GJB6: variants seen among roughly 807,000 people sequenced by gnomAD.
GJB6 encodes the protein gap junction protein beta 6, also known as gap junction beta-6 protein.
GJB6 carries 5 observed loss-of-function variants against 5.4 expected under a neutral mutation model. The observed-to-expected ratio is 0.92, with a 90% CI of 0.48 to 1.93. The LOEUF (loss-of-function observed/expected upper bound fraction) is 1.93. GJB6 is among the 30% of genes most tolerant of loss of function. The pLI, the probability that GJB6 is intolerant of heterozygous loss-of-function variation, is 0.01. For missense variants in GJB6, 298 were observed against 326.9 expected, an observed-to-expected ratio of 0.91 and a Z score of 0.68; for synonymous variants, 136 against 129.6, an observed-to-expected ratio of 1.05 and a Z score of -0.34.
rs1012143350 is a variant in GJB6 at position 20,231,472 on chromosome 13, A to G, written c.-386T>C. 2.8e-4 allele frequency: 42 copies of G among 152,198 alleles called. 1 individual carries two copies. Among genetic ancestry groups the G allele is most frequent in the Non-Finnish European group, 5.3e-4 (36 of 68,046 alleles). The allele number at this position is 152,198 out of a possible 1,614,324, so 9.4% of individuals were successfully genotyped here. On this transcript the variant is annotated 5_prime_UTR_variant, in exon 2 of 5. Coordinates refer to ENST00000647029, the MANE Select transcript of GJB6 (RefSeq NM_001110219.3). Reference sequence around the variant, plus strand: ...CACCGGAGACAGGTCTTCTTCACCGACAGGAAGTGCCTTCTGGTGCCTGCA... The same window carrying G: ...CACCGGAGACAGGTCTTCTTCACCGGCAGGAAGTGCCTTCTGGTGCCTGCA...
At chr13:20,226,435 A>G (rs1020865006) in intron 4 of GJB6, among the ~76,000 whole-genome samples, 1 of 152,218 alleles carries the variant, frequency 6.6e-6, no homozygotes, top group Admixed American at 6.5e-5. Flanking sequence ...CCAGCGTTCC[A>G]TAATTAAAGT....
intron 4 of GJB6, among the ~76,000 whole-genome samples, chr13:20,228,564 A>G (rs770412026): frequency 4.6e-5 from 7 of 151,498 alleles, no homozygotes; most frequent in African/African-American, 1.7e-4. Flanking sequence ...GCTCACTGCA[A>G]GCTCCGCCTC....
chr13:20,229,188 G>T (rs1238754162), intron 4 of GJB6, among the ~76,000 whole-genome samples: 3 of 125,050 alleles, frequency 2.4e-5, no homozygotes, highest in African/African-American at 9.1e-5. Flanking sequence ...TTGCCCTGTT[G>T]CCCAGGGTGG....
chr13:20,228,486 GT>G (rs1491055611), intron 4 of GJB6, among the ~76,000 whole-genome samples: 4 of 120,728 alleles, frequency 3.3e-5, no homozygotes, highest in African/African-American at 1.6e-4. Flanking sequence ...TTTTGTTTTT[GT>G]TTTTTGTTTT....
intron 4 of GJB6, among the ~76,000 whole-genome samples, chr13:20,227,281 G>A (rs1362405373): frequency 5.9e-5 from 9 of 152,100 alleles, no homozygotes; most frequent in African/African-American, 2.2e-4. Flanking sequence ...CACAATGCGC[G>A]CTTCTCGATA....
chr13:20,223,508 A>T lies in GJB6; in HGVS notation c.-15-13T>A, dbSNP rs1465672746. ...CGCTGGTTTATCCCTAAACAGACAA[A>T]AGTGGGCAAAGGTTTATTAGTGGAA... On this transcript the variant is annotated splice_polypyrimidine_tract_variant and intron_variant, in intron 4 of 4. Coordinates refer to ENST00000647029, the MANE Select transcript of GJB6 (RefSeq NM_001110219.3). The T allele has an allele frequency of 1.9e-6, 3 of 1,606,490 alleles. No individual in the cohort carries two copies. Among genetic ancestry groups the T allele is most frequent in the Non-Finnish European group, 2.6e-6 (3 of 1,173,316 alleles).
rs1869367074 is a variant in GJB6 at position 20,223,448 on chromosome 13, C to T, written c.33G>A (p.Gly11=). The T allele has an allele frequency of 6.2e-7, 1 of 1,614,090 alleles. No individual in the cohort carries two copies. Residue 11 remains glycine (G), a synonymous_variant, in exon 5 of 5, where the codon GGG becomes GGA. Coordinates refer to ENST00000647029, the MANE Select transcript of GJB6 (RefSeq NM_001110219.3). MDWGTLHTFI[G]GVNKHSTSIG... ...TGCTGGTGGAGTGTTTGTTGACACC[C>T]CCGATGAAAGTGTGCAGCGTCCCCC...
rs554688212 is a variant in GJB6, at chr13:20,223,280, G to T, written c.201C>A (p.His67Gln). Residue 67 changes from histidine (H) to glutamine (Q), a missense_variant, in exon 5 of 5, where the codon CAC (histidine) becomes CAA (glutamine). Transcript: ENST00000647029. The part of the protein sequence containing the change: ...QPGCKNVCYD[H>Q]FFPVSHIRLW... ...GCCGGATGTGGGACACCGGGAAAAA[G>T]TGGTCATAGCACACATTTTTGCATC... The T allele has an allele frequency of 3.7e-6, 6 of 1,612,534 alleles. No individual in the cohort carries two copies. In the African/African-American group the frequency reaches 6.7e-5, roughly 18 times the overall value.
intron 4 of GJB6, 132 bp from the exon 5 acceptor site, chr13:20,223,627 C>T (rs1363863852): frequency 7.9e-6 from 6 of 755,454 alleles, no homozygotes; most frequent in Admixed American, 2.0e-5. Context: ...ACTCCCTGCC[C>T]TGCTAGTCTG....
chr13:20,223,235 G>T lies in GJB6; in HGVS notation c.246C>A (p.Ile82=), dbSNP rs770596488. 6.2e-7 allele frequency: 1 copy of T among 1,610,368 alleles called. No homozygotes were observed. The highest frequency in any genetic ancestry group is 8.5e-7 in the Non-Finnish European group (1 of 1,176,944). The change falls in exon 5 of 5, where the codon ATC becomes ATA. Residue 82 remains isoleucine, a synonymous_variant. Coordinates refer to ENST00000647029, the MANE Select transcript of GJB6 (RefSeq NM_001110219.3). ...CCAGCAGCGCTGGGGTGGAGACGAA[G>T]ATCAGCTGGAGGGCCCACAGCCGGA... ...SHIRLWALQL[I]FVSTPALLVA... is the part of the protein sequence containing the mutation.
intron 4 of GJB6, among the ~76,000 whole-genome samples, chr13:20,227,089 C>T: frequency 6.6e-6 from 1 of 152,278 alleles, no homozygotes; most frequent in Admixed American, 6.5e-5. Flanking sequence ...TCCACGCTTT[C>T]TAGAAGCAGG....
chr13:20,228,493 GT>G (rs200585465), intron 4 of GJB6, among the ~76,000 whole-genome samples: 4 of 142,986 alleles, frequency 2.8e-5, no homozygotes, highest in Non-Finnish European at 6.2e-5. Context: ...TTTGTTTTTT[GT>G]TTTTTTTGAG....
chr13:20,226,537 G>T (rs1290167332), intron 4 of GJB6, among the ~76,000 whole-genome samples: 2 of 152,090 alleles, frequency 1.3e-5, no homozygotes, highest in African/African-American at 2.4e-5. Flanking sequence ...CATTTAAAAA[G>T]CTCATGTTAA....
intron 1 of GJB6, 153 bp downstream of exon 1, chr13:20,232,041 A>T (rs2137361631): frequency 6.6e-6 from 1 of 152,352 alleles, no homozygotes; most frequent in Admixed American, 6.5e-5. Context: ...GCCGGCTCTG[A>T]TCCGGTGCCA....
chr13:20,225,688 T>C (rs1006677048), intron 4 of GJB6: 2 of 152,164 alleles, frequency 1.3e-5, no homozygotes, highest in Non-Finnish European at 2.9e-5. Context: ...AGAAAACGTA[T>C]ATGTGTGAAC....
intron 4 of GJB6, among the ~76,000 whole-genome samples, chr13:20,228,776 G>A (rs530661706): frequency 3.2e-4 from 48 of 151,948 alleles, no homozygotes; most frequent in East Asian, 1.4e-3. Flanking sequence ...GAGCCACCGC[G>A]CCCGGCCCAT....
intron 4 of GJB6, among the ~76,000 whole-genome samples, chr13:20,223,994 T>C (rs1869411612): frequency 1.3e-5 from 2 of 152,094 alleles, no homozygotes; most frequent in African/African-American, 4.8e-5. Context: ...ATCATGTTTT[T>C]GGTCAGAAAC....
At position 20,222,888 on chromosome 13, in the gene GJB6, G is replaced by A. The variant is rs200881320; in HGVS notation, c.593C>T (p.Ala198Val). 1.5e-5 allele frequency: 24 copies of A among 1,614,006 alleles called. No individual in the cohort carries two copies. The highest frequency in any genetic ancestry group is 1.4e-4 in the South Asian group (13 of 91,074). Residue 198 changes from alanine (A) to valine (V), a missense_variant, in exon 5 of 5, where the codon GCG becomes GTG. By Grantham distance (64) the Ala-to-Val change is moderately conservative. Transcript: ENST00000647029. ...GTTAAGCAGCATGCAAATCACAGACGCAGAAATCATAAAAATGGTAAACAC... is the reference window on the plus strand; with the variant it reads ...GTTAAGCAGCATGCAAATCACAGACACAGAAATCATAAAAATGGTAAACAC... ...KTVFTIFMISASVICMLLNVA... is the reference protein window; with the variant it reads ...KTVFTIFMISVSVICMLLNVA...
At chr13:20,227,293 C>T (rs551209655) in intron 4 of GJB6, among the ~76,000 whole-genome samples, 19 of 152,186 alleles carry the variant, frequency 1.2e-4, no homozygotes, top group Admixed American at 8.5e-4. Context: ...TTCTCGATAC[C>T]GGTACTAAAA....
Sources: gnomAD v4.1 joint callset for allele counts (sites outside exome capture counted in the v4.1 genomes callset) on GRCh38, gnomAD v4.1.1 for gene constraint, MANE v1.5 for transcripts, NCBI Gene and HGNC (gene_info 2026-07-23, HGNC 2026-07-21) for gene names.